The following KDM4C variants were observed in gnomAD, a reference collection of about 807,000 sequenced individuals.
KDM4C encodes the protein lysine-specific demethylase 4C.
In KDM4C, 81 loss-of-function variants were observed where a neutral mutation model predicts 129.3. The ratio of observed to expected loss-of-function variants is 0.63; its 90% CI spans 0.52 to 0.75. KDM4C has a LOEUF of 0.75. KDM4C is among the 30% of genes least tolerant of loss of function. The pLI is 0.00. For missense variants in KDM4C, 1,457 were observed against 1,304.0 expected, an observed-to-expected ratio of 1.12 and a Z score of -1.81; for synonymous variants, 573 against 456.1, an observed-to-expected ratio of 1.26 and a Z score of -3.26.
At chr9:6,844,232 C>T (rs1263420110) in intron 4 of KDM4C, among the ~76,000 whole-genome samples, 1 of 152,150 alleles carries the variant, frequency 6.6e-6, no homozygotes, top group African/African-American at 2.4e-5. Flanking sequence ...ATCCTTTGGA[C>T]TATCTTCATT....
chr9:6,849,750 C>T (rs1021536536), intron 5 of KDM4C, 50 bp downstream of exon 5: 3 of 1,356,076 alleles, frequency 2.2e-6, no homozygotes, highest in African/African-American at 1.4e-5. Context: ...GAAATTTGGG[C>T]ATCAGGCACA....
At chr9:7,087,100 T>TTTTC (rs1450713853) in intron 17 of KDM4C, among the ~76,000 whole-genome samples, 8 of 151,504 alleles carry the variant, frequency 5.3e-5, no homozygotes, top group Admixed American at 5.3e-4. Context: ...TTTTTTTTTT[T>TTTTC]TTCACTTTTG....
chr9:7,107,730 A>G (rs1034588790), intron 18 of KDM4C, among the ~76,000 whole-genome samples: 3 of 152,356 alleles, frequency 2.0e-5, no homozygotes, highest in African/African-American at 7.2e-5. Context: ...GGAGACAGAT[A>G]CCTATTTAAA....
At chr9:6,857,258 C>T (rs1415670799) in intron 5 of KDM4C, among the ~76,000 whole-genome samples, 1 of 152,238 alleles carries the variant, frequency 6.6e-6, no homozygotes, top group East Asian at 1.9e-4. Flanking sequence ...CATAGGGACA[C>T]CCTGTATCTA....
At chr9:6,754,096 G>A (rs1045833172), upstream of KDM4C, among the ~76,000 whole-genome samples, 5 of 151,748 alleles carry the variant, frequency 3.3e-5, no homozygotes, top group East Asian at 1.9e-4. Flanking sequence ...GGATGGTCTC[G>A]ATCTCCTGAC....
At chr9:6,741,602 C>A (rs1299691500) in intron 1 of KDM4C, among the ~76,000 whole-genome samples, 1 of 149,902 alleles carries the variant, frequency 6.7e-6, no homozygotes, top group East Asian at 1.9e-4. Context: ...CTCTTAGTTT[C>A]CTTGTATCTA....
At chr9:7,043,163 T>C (rs943435644) in intron 15 of KDM4C, among the ~76,000 whole-genome samples, 1 of 152,026 alleles carries the variant, frequency 6.6e-6, no homozygotes, top group African/African-American at 2.4e-5. Context: ...AGGTGAAGTA[T>C]ATGAAATTTT....
chr9:7,045,459 T>C (rs1388263149), intron 15 of KDM4C, among the ~76,000 whole-genome samples: 2 of 152,064 alleles, frequency 1.3e-5, no homozygotes, highest in African/African-American at 4.8e-5. Flanking sequence ...GTGTGTTAAA[T>C]TACTGGAAAA....
At chr9:7,153,403 ATTG>A (rs1206982022) in intron 19 of KDM4C, among the ~76,000 whole-genome samples, 3 of 152,200 alleles carry the variant, frequency 2.0e-5, no homozygotes, top group Admixed American at 2.0e-4. Context: ...TGGTGACTTT[ATTG>A]TCTGGAATAC....
intron 5 of KDM4C, among the ~76,000 whole-genome samples, chr9:6,859,473 C>CAAAAAAAAA (rs58056883): frequency 2.1e-5 from 1 of 47,846 alleles, no homozygotes; most frequent in African/African-American, 8.2e-5. Context: ...GACTCTGTCT[C>CAAAAAAAAA]AAAAAAAAAA....
intron 8 of KDM4C, among the ~76,000 whole-genome samples, chr9:6,929,639 T>C (rs926941553): frequency 2.0e-5 from 3 of 152,074 alleles, no homozygotes; most frequent in African/African-American, 7.2e-5. Context: ...AGCCCAGTTT[T>C]ATTGAGGAGG....
intron 1 of KDM4C, among the ~76,000 whole-genome samples, chr9:6,737,590 A>G (rs1187916011): frequency 7.0e-6 from 1 of 143,844 alleles, no homozygotes; most frequent in Non-Finnish European, 1.5e-5. Flanking sequence ...CTTGAACCCG[A>G]GAGGCAGAGG....
chr9:6,895,009 A>G (rs1212560435), intron 8 of KDM4C, among the ~76,000 whole-genome samples: 1 of 152,194 alleles, frequency 6.6e-6, no homozygotes, highest in African/African-American at 2.4e-5. Context: ...TCTGGGTACA[A>G]AATATTCAGT....
At position 7,011,899 on chromosome 9, in the gene KDM4C, T is replaced by C. The variant is rs376042414; in HGVS notation, c.1968+20T>C. ...CACAAGGTAAAGGAGCCTGCTATCA[T>C]AGTTCCCTTCACTGCTCTGCCTTCC... is the stretch of plus-strand genomic sequence containing the variant. On this transcript the variant is annotated intron_variant, in intron 13 of 21. Transcript: ENST00000381309. 98 of 1,601,880 alleles carry C rather than the reference T, an allele frequency of 6.1e-5. No individual in the cohort carries two copies. The highest frequency in any genetic ancestry group is 7.9e-5 in the Non-Finnish European group (93 of 1,170,690).
At chr9:6,875,362 TACA>T (rs1015755769) in intron 5 of KDM4C, among the ~76,000 whole-genome samples, 5 of 152,126 alleles carry the variant, frequency 3.3e-5, no homozygotes, top group African/African-American at 9.7e-5. Flanking sequence ...AGATTGTTGA[TACA>T]ACAAGAGAGG....
chr9:6,889,544 G>C (rs1845822109), intron 7 of KDM4C, among the ~76,000 whole-genome samples: 1 of 152,160 alleles, frequency 6.6e-6, no homozygotes, highest in Admixed American at 6.5e-5. Flanking sequence ...ACTCAGAGGG[G>C]CTGCTGTGGC....
At position 7,171,712 on chromosome 9, in the gene KDM4C, C is replaced by T. The variant is rs112126468; in HGVS notation, c.2994+1822C>T. 1.5e-3 allele frequency among the ~76,000 whole-genome samples: 228 copies of T among 152,256 alleles called. 3 individuals carry two copies. Among genetic ancestry groups the T allele is most frequent in the African/African-American group, 4.9e-3 (203 of 41,534 alleles). On this transcript the variant is annotated intron_variant, in intron 21 of 21. Coordinates refer to ENST00000381309, the MANE Select transcript of KDM4C (RefSeq NM_015061.6). The stretch of plus-strand genomic sequence containing the variant: ...AATCTCTTTGTTTCACAGTAGATTT[C>T]GCTCAGATACCAGGATGCCTTCCCC...
intron 1 of KDM4C, 92 bp from the exon 2 acceptor site, chr9:6,792,880 G>T (rs778391190): frequency 1.6e-6 from 2 of 1,268,332 alleles, no homozygotes; most frequent in Non-Finnish European, 1.1e-6. Flanking sequence ...AAAGAGAAGG[G>T]TTCCTGCTGG....
chr9:6,964,655 G>A (rs573574953), intron 8 of KDM4C, among the ~76,000 whole-genome samples: 374 of 151,950 alleles, frequency 2.5e-3, no homozygotes, highest in African/African-American at 8.8e-3. Flanking sequence ...GGTGGTGGGC[G>A]CCTGTAGTCC....
Sources: gnomAD v4.1 joint callset for allele counts (sites outside exome capture counted in the v4.1 genomes callset) on GRCh38, gnomAD v4.1.1 for gene constraint, MANE v1.5 for transcripts, NCBI Gene and HGNC (gene_info 2026-07-23, HGNC 2026-07-21) for gene names.